RAP2A: variants seen among roughly 807,000 people sequenced by gnomAD.
RAP2A encodes the protein ras-related protein Rap-2a.
In RAP2A, 5 loss-of-function variants were observed where a neutral mutation model predicts 15.1. That is an observed-to-expected ratio of 0.33 (90% CI 0.17 to 0.70). RAP2A has a LOEUF of 0.70. Ranked by LOEUF, RAP2A falls within the 30% of genes least tolerant of loss-of-function variation. The pLI is 0.68. For missense variants in RAP2A, 111 were observed against 240.3 expected (o/e 0.46, Z 3.56); for synonymous variants, 110 against 99.7 (o/e 1.10, Z -0.62).
At chr13:97,447,320 T>G (rs1489256727) in intron 1 of RAP2A, among the ~76,000 whole-genome samples, 1 of 152,210 alleles carries the variant, frequency 6.6e-6, no homozygotes, top group Non-Finnish European at 1.5e-5. Flanking sequence ...TTTATACTCA[T>G]AGTCTGAACT....
chr13:97,450,477 A>G (rs1296239629), intron 1 of RAP2A, among the ~76,000 whole-genome samples: 3 of 152,144 alleles, frequency 2.0e-5, no homozygotes, highest in African/African-American at 7.2e-5. Context: ...TTCTCCATAT[A>G]TGTGCCCGAG....
chr13:97,454,677 AAAT>A (rs1249087022), intron 1 of RAP2A, among the ~76,000 whole-genome samples: 4 of 151,334 alleles, frequency 2.6e-5, no homozygotes, highest in African/African-American at 9.7e-5. Flanking sequence ...CTTGAGGAAA[AAAT>A]AATCTTATAT....
At chr13:97,434,882 G>C (rs1489699517) in intron 1 of RAP2A, 98 bp downstream of exon 1, 2 of 1,505,492 alleles carry the variant, frequency 1.3e-6, no homozygotes, top group Non-Finnish European at 1.8e-6. Context: ...GGGCTTTCTG[G>C]GGGGTGGCTC....
intron 1 of RAP2A, 125 bp downstream of exon 1, chr13:97,434,909 C>T (rs1251877295): frequency 1.5e-6 from 2 of 1,342,322 alleles, no homozygotes; most frequent in African/African-American, 3.0e-5. Flanking sequence ...GGAGGCTTTA[C>T]TATTGTCATT....
At chr13:97,460,522 T>C (rs1029468822) in intron 1 of RAP2A, among the ~76,000 whole-genome samples, 3 of 152,180 alleles carry the variant, frequency 2.0e-5, no homozygotes, top group African/African-American at 4.8e-5. Context: ...TGGTTTCTTT[T>C]TTTTTTAAAC....
At position 97,447,649 on chromosome 13, in the gene RAP2A, A is replaced by G. The variant is rs530619229; in HGVS notation, c.314+12865A>G. On this transcript the variant is annotated intron_variant, in intron 1 of 1. Transcript: ENST00000245304. Reference sequence around the variant, plus strand: ...AGAAAAATAATAAAGCATTTTAGATAGTGTACATCCAAAAATGCGTTTTTA... The same window carrying G: ...AGAAAAATAATAAAGCATTTTAGATGGTGTACATCCAAAAATGCGTTTTTA... Among the ~76,000 whole-genome samples the G allele has an allele frequency of 1.3e-5, 2 of 152,338 alleles. 1 individual carries two copies. Among genetic ancestry groups the G allele is most frequent in the African/African-American group, 4.8e-5 (2 of 41,588 alleles).
At chr13:97,452,646 A>ACG (rs756755849) in intron 1 of RAP2A, among the ~76,000 whole-genome samples, 4 of 98,342 alleles carry the variant, frequency 4.1e-5, no homozygotes, top group Non-Finnish European at 9.7e-5. Flanking sequence ...ACACACACAC[A>ACG]CACGCACACA....
At chr13:97,440,363 G>C (rs1340338415) in intron 1 of RAP2A, among the ~76,000 whole-genome samples, 1 of 152,076 alleles carries the variant, frequency 6.6e-6, no homozygotes, top group Non-Finnish European at 1.5e-5. Flanking sequence ...AAGAATTTGG[G>C]TATGAAGATA....
At position 97,465,314 on chromosome 13, in the gene RAP2A, T is replaced by C. The variant is rs1342848338; in HGVS notation, c.*872T>C. The C allele has an allele frequency of 6.6e-6, 1 of 152,636 alleles. No homozygotes were observed. Among genetic ancestry groups the C allele is most frequent in the Non-Finnish European group, 1.5e-5 (1 of 68,044 alleles). The allele number at this position is 152,636 out of a possible 1,614,324, so 9.5% of individuals were successfully genotyped here. On this transcript the variant is annotated 3_prime_UTR_variant, in exon 2 of 2. Coordinates refer to ENST00000245304, the MANE Select transcript of RAP2A (RefSeq NM_021033.7). ...TCTAATAGATAAACTAGTACCATCATGTAAGGAAGATGAAGCCATGTTGCA... is the reference window on the plus strand; with the variant it reads ...TCTAATAGATAAACTAGTACCATCACGTAAGGAAGATGAAGCCATGTTGCA...
At chr13:97,451,669 C>A (rs760002963) in intron 1 of RAP2A, among the ~76,000 whole-genome samples, 50 of 79,376 alleles carry the variant, frequency 6.3e-4, no homozygotes, top group Non-Finnish European at 1.7e-3. Context: ...TATGTGTATA[C>A]TTTCTTTTGG....
At chr13:97,457,833 G>A (rs1376952925) in intron 1 of RAP2A, among the ~76,000 whole-genome samples, 1 of 152,036 alleles carries the variant, frequency 6.6e-6, no homozygotes, top group East Asian at 1.9e-4. Flanking sequence ...AGTATTGCCA[G>A]GTATTTTTTT....
intron 1 of RAP2A, among the ~76,000 whole-genome samples, chr13:97,459,187 G>A (rs112421470): frequency 0.017 from 2,650 of 152,030 alleles, 75 homozygotes; most frequent in African/African-American, 0.061. Context: ...TCATGATCAG[G>A]TTAACAATAA....
Position 97,466,912 on chromosome 13 carries a change from G to A in RAP2A, c.*2470G>A, listed in dbSNP as rs2066773991. On this transcript the variant is annotated 3_prime_UTR_variant, in exon 2 of 2. Coordinates refer to ENST00000245304, the MANE Select transcript of RAP2A (RefSeq NM_021033.7). ...TGAATATATAACTCAGCTGGCAAAT[G>A]AATGTGTTTGTTGAGATATTACAGT... 1 of 152,214 alleles carries A rather than the reference G, an allele frequency of 6.6e-6. No homozygotes were observed. Among genetic ancestry groups the A allele is most frequent in the Non-Finnish European group, 1.5e-5 (1 of 68,038 alleles). 9.4% of individuals were successfully genotyped at this position (152,214 alleles called of 1,614,324 possible). A position where few individuals can be genotyped will look rare whatever the true frequency, so the allele number is the denominator to read the frequency against.
Position 97,467,925 on chromosome 13 carries a change from C to T in RAP2A, c.*3483C>T, listed in dbSNP as rs1200791308. On this transcript the variant is annotated 3_prime_UTR_variant, in exon 2 of 2. Coordinates refer to ENST00000245304, the MANE Select transcript of RAP2A (RefSeq NM_021033.7). ...ATTAAAACATGAATTGTAGTTATAA[C>T]TCAATGCAAATTCAACAGTTGTATT... 3 of 152,534 alleles carry T rather than the reference C, an allele frequency of 2.0e-5. No individual in the cohort carries two copies. Among genetic ancestry groups the T allele is most frequent in the Non-Finnish European group, 4.4e-5 (3 of 68,028 alleles). 9.4% of individuals were successfully genotyped at this position (152,534 alleles called of 1,614,324 possible). A position where few individuals can be genotyped will look rare whatever the true frequency, so the allele number is the denominator to read the frequency against.
intron 1 of RAP2A, among the ~76,000 whole-genome samples, chr13:97,435,025 A>G (rs532977832): frequency 1.3e-5 from 2 of 152,332 alleles, no homozygotes; most frequent in African/African-American, 4.8e-5. Context: ...CGTTGTTAGC[A>G]TTGCTTGTTA....
At chr13:97,457,387 G>C (rs1212609980) in intron 1 of RAP2A, among the ~76,000 whole-genome samples, 1 of 151,900 alleles carries the variant, frequency 6.6e-6, no homozygotes, top group African/African-American at 2.4e-5. Context: ...ATGGAGTACA[G>C]ATAATTAAAT....
chr13:97,451,985 C>CT (rs1566473720), intron 1 of RAP2A, among the ~76,000 whole-genome samples: 2 of 150,970 alleles, frequency 1.3e-5, no homozygotes, highest in South Asian at 2.1e-4. Flanking sequence ...ATTGGATTAT[C>CT]TTTTTTTATA....
In RAP2A at chr13:97,467,332, G is replaced by A. The variant is rs2066776478; in HGVS notation, c.*2890G>A. On this transcript the variant is annotated 3_prime_UTR_variant, in exon 2 of 2. Transcript: ENST00000245304. ...AAAATATTTTCTTAAACTATTGAAA[G>A]GTGCTTTGATGATTTTCTCCTTTGG... is the stretch of plus-strand genomic sequence containing the variant. The A allele has an allele frequency of 6.6e-6, 1 of 152,528 alleles. No homozygotes were observed. The highest frequency in any genetic ancestry group is 1.5e-5 in the Non-Finnish European group (1 of 68,012). The allele number at this position is 152,528 out of a possible 1,614,324, so 9.4% of individuals were successfully genotyped here.
At chr13:97,445,450 TA>T (rs1481801508) in intron 1 of RAP2A, among the ~76,000 whole-genome samples, 3 of 152,230 alleles carry the variant, frequency 2.0e-5, no homozygotes, top group Non-Finnish European at 2.9e-5. Context: ...TAATTATTTT[TA>T]GTTTATTTTT....
Sources: allele counts gnomAD v4.1 joint callset (sites outside exome capture counted in the v4.1 genomes callset), GRCh38; gene constraint gnomAD v4.1.1; transcripts MANE v1.5; gene names NCBI Gene and HGNC (gene_info 2026-07-23, HGNC 2026-07-21).